The following DAB1 variants were observed in gnomAD, a reference collection of about 807,000 sequenced individuals.
DAB1 encodes the protein disabled homolog 1.
Under a neutral mutation model 64.6 loss-of-function variants are expected in DAB1, and 15 were observed. The observed-to-expected ratio is 0.23, with a 90% CI of 0.16 to 0.36. The LOEUF (loss-of-function observed/expected upper bound fraction) is 0.36. DAB1 is among the 10% of genes least tolerant of loss of function. DAB1 has a pLI of 1.00. For missense variants in DAB1, 596 were observed against 706.7 expected (o/e 0.84, Z 1.78); for synonymous variants, 235 against 251.9 (o/e 0.93, Z 0.64).
At chr1:57,171,034 A>T (rs892368790) in intron 2 of DAB1, among the ~76,000 whole-genome samples, 1 of 152,134 alleles carries the variant, frequency 6.6e-6, no homozygotes, top group African/African-American at 2.4e-5. Flanking sequence ...GAAAAGAGAA[A>T]GCTGTATTTT....
chr1:58,508,363 A>G (rs373104059), intron 2 of DAB1, among the ~76,000 whole-genome samples: 13 of 152,308 alleles, frequency 8.5e-5, no homozygotes, highest in Non-Finnish European at 1.3e-4. Context: ...GGACGCCCTA[A>G]ACCCTCCTTC....
At chr1:57,726,386 A>G (rs1647210963) in intron 6 of DAB1, among the ~76,000 whole-genome samples, 12 of 152,190 alleles carry the variant, frequency 7.9e-5, no homozygotes, top group Admixed American at 7.9e-4. Context: ...CCTTTCATTG[A>G]ATGGGAACAG....
chr1:58,220,991 ATTTTTT>A (rs10714614), intron 4 of DAB1, among the ~76,000 whole-genome samples: 14 of 122,142 alleles, frequency 1.1e-4, no homozygotes, highest in Admixed American at 2.4e-4. Context: ...TATGAGATTG[ATTTTTT>A]TTTTTTTTTT....
intron 7 of DAB1, among the ~76,000 whole-genome samples, chr1:57,472,150 A>G (rs1687159648): frequency 6.6e-6 from 1 of 152,256 alleles, no homozygotes. Flanking sequence ...ATAACAACTT[A>G]GGAATGAACT....
At chr1:57,610,538 T>A (rs184969881) in intron 7 of DAB1, among the ~76,000 whole-genome samples, 71 of 152,316 alleles carry the variant, frequency 4.7e-4, no homozygotes, top group Non-Finnish European at 5.9e-5. Flanking sequence ...TGCCTTTGTA[T>A]TAGTTCATTC....
chr1:58,034,838 C>T (rs1349656746), intron 5 of DAB1, among the ~76,000 whole-genome samples: 4 of 152,188 alleles, frequency 2.6e-5, no homozygotes, highest in Admixed American at 2.6e-4. Flanking sequence ...GAATGAAAAC[C>T]GAGGTTGTCA....
intron 5 of DAB1, among the ~76,000 whole-genome samples, chr1:58,121,703 T>C (rs1652747012): frequency 1.3e-5 from 2 of 152,170 alleles, no homozygotes; most frequent in Non-Finnish European, 2.9e-5. Flanking sequence ...TCTCTGTTAG[T>C]GAAACACACT....
chr1:58,132,913 C>T (rs939696807), intron 5 of DAB1, among the ~76,000 whole-genome samples: 1 of 152,136 alleles, frequency 6.6e-6, no homozygotes, highest in Non-Finnish European at 1.5e-5. Flanking sequence ...TGTTAGCTAA[C>T]CCTTTAATAG....
intron 1 of DAB1, among the ~76,000 whole-genome samples, chr1:57,365,304 C>T (rs1361378372): frequency 1.0e-4 from 14 of 134,438 alleles, no homozygotes; most frequent in African/African-American, 3.9e-4. Flanking sequence ...ATAAAGAATA[C>T]ATAAACATAT....
At chr1:58,004,205 C>T (rs906416999) in intron 5 of DAB1, among the ~76,000 whole-genome samples, 3 of 152,144 alleles carry the variant, frequency 2.0e-5, no homozygotes, top group Non-Finnish European at 4.4e-5. Context: ...TCACAGCCAC[C>T]CCAGAAGGGT....
chr1:57,256,777 A>C (rs914299872), intron 2 of DAB1, among the ~76,000 whole-genome samples: 1 of 152,122 alleles, frequency 6.6e-6, no homozygotes, highest in African/African-American at 2.4e-5. Context: ...TTTCTTCCTG[A>C]CATGGGACAA....
chr1:58,385,618 G>A (rs1232578494), intron 3 of DAB1, among the ~76,000 whole-genome samples: 1 of 152,184 alleles, frequency 6.6e-6, no homozygotes, highest in African/African-American at 2.4e-5. Flanking sequence ...GAACTTTACA[G>A]TTTATAAGGT....
At chr1:57,027,320 A>G (rs112623442) in intron 9 of DAB1, among the ~76,000 whole-genome samples, 3 of 152,192 alleles carry the variant, frequency 2.0e-5, no homozygotes, top group African/African-American at 7.2e-5. Context: ...GGTTAATCAC[A>G]AACAACCCAA....
intron 9 of DAB1, among the ~76,000 whole-genome samples, chr1:57,035,639 G>A (rs1647117104): frequency 6.6e-6 from 1 of 152,074 alleles, no homozygotes; most frequent in East Asian, 1.9e-4. Context: ...TGTAACCCTT[G>A]ACAAGTCAAT....
chr1:57,234,847 A>G (rs1050276962), intron 2 of DAB1, among the ~76,000 whole-genome samples: 6 of 152,198 alleles, frequency 3.9e-5, no homozygotes, highest in Non-Finnish European at 8.8e-5. Flanking sequence ...CTTGCTGACT[A>G]TGTGCTGGGG....
At chr1:57,190,724 C>A (rs538546886) in intron 2 of DAB1, among the ~76,000 whole-genome samples, 2 of 152,130 alleles carry the variant, frequency 1.3e-5, no homozygotes, top group Non-Finnish European at 2.9e-5. Flanking sequence ...GCACCACCAC[C>A]ACCACTCAGA....
At chr1:58,220,841 G>A (rs1324022470) in intron 4 of DAB1, among the ~76,000 whole-genome samples, 2 of 145,402 alleles carry the variant, frequency 1.4e-5, no homozygotes, top group East Asian at 2.0e-4. Context: ...ATATATACAC[G>A]TATACACATT....
At chr1:57,875,087 T>A (rs2101962193) in intron 1 of DAB1, 1 of 152,340 alleles carries the variant, frequency 6.6e-6, no homozygotes, top group Non-Finnish European at 1.5e-5. Context: ...ATCTCCAAAC[T>A]AAGCACTGAA....
intron 5 of DAB1, among the ~76,000 whole-genome samples, chr1:57,921,110 C>A (rs566823997): frequency 3.3e-5 from 5 of 152,018 alleles, no homozygotes; most frequent in African/African-American, 4.8e-5. Context: ...TATATTGTTA[C>A]ATTGTTAGGA....
Sources: gnomAD v4.1 joint callset for allele counts (sites outside exome capture counted in the v4.1 genomes callset) on GRCh38, gnomAD v4.1.1 for gene constraint, MANE v1.5 for transcripts, NCBI Gene and HGNC (gene_info 2026-07-23, HGNC 2026-07-21) for gene names.